RPA3: variants seen among roughly 807,000 people sequenced by gnomAD.
RPA3 encodes the protein replication protein A 14 kDa subunit.
In RPA3, 24 loss-of-function variants were observed where a neutral mutation model predicts 13.7. The ratio of observed to expected loss-of-function variants is 1.75; its 90% CI spans 1.27 to 2.46. The LOEUF is 2.46. Ranked by LOEUF, RPA3 falls within the 30% of genes most tolerant of loss-of-function variation. The probability of loss-of-function intolerance (pLI) is 0.00; values close to 1 mark genes in which losing one functional copy is unlikely to be tolerated. For missense variants in RPA3, 183 were observed against 151.0 expected, an observed-to-expected ratio of 1.21 and a Z score of -1.11; for synonymous variants, 59 against 51.2, an observed-to-expected ratio of 1.15 and a Z score of -0.65.
intron 1 of RPA3, among the ~76,000 whole-genome samples, chr7:7,715,853 A>G (rs17482047): frequency 0.11 from 16,364 of 152,262 alleles, 935 homozygotes; most frequent in African/African-American, 0.13. Context: ...CATTTAAAAA[A>G]TAGTATCGTG....
intron 2 of RPA3, among the ~76,000 whole-genome samples, chr7:7,710,272 C>T (rs1023189118): frequency 6.6e-6 from 1 of 151,954 alleles, no homozygotes; most frequent in African/African-American, 2.4e-5. Context: ...AAACAAAACA[C>T]CTTGATCTGT....
intron 2 of RPA3, among the ~76,000 whole-genome samples, chr7:7,710,781 T>A (rs1190368233): frequency 6.6e-6 from 1 of 152,212 alleles, no homozygotes. Context: ...CCAAACTGGA[T>A]ACACACCAAA....
In RPA3 at chr7:7,640,727, C is replaced by G. The variant is rs560738655; in HGVS notation, c.-309G>C. The G allele has an allele frequency of 6.4e-6, 2 of 311,212 alleles. No homozygotes were observed. The highest frequency in any genetic ancestry group is 4.4e-5 in the African/African-American group (2 of 45,592). 19.3% of individuals were successfully genotyped at this position (311,212 alleles called of 1,614,324 possible). ...AGGGGCGGAACCTGAGACTACCTTT[C>G]TGCGATCACAGGATTCCCGGCGGTG... On this transcript the variant is annotated 5_prime_UTR_variant, in exon 5 of 8. Coordinates refer to ENST00000223129, the MANE Select transcript of RPA3 (RefSeq NM_002947.5).
intron 4 of RPA3, among the ~76,000 whole-genome samples, chr7:7,643,386 G>C (rs986458839): frequency 2.6e-5 from 4 of 152,182 alleles, no homozygotes; most frequent in African/African-American, 9.7e-5. Context: ...CCTAAGGAAA[G>C]AATCATGGGA....
At chr7:7,637,591 G>T (rs548489507) in intron 7 of RPA3, among the ~76,000 whole-genome samples, 1 of 150,540 alleles carries the variant, frequency 6.6e-6, no homozygotes, top group African/African-American at 2.4e-5. Flanking sequence ...TTTCCTGTAT[G>T]TTTATGTTAT....
intron 4 of RPA3, among the ~76,000 whole-genome samples, chr7:7,644,506 A>G (rs548550299): frequency 3.9e-5 from 6 of 152,286 alleles, no homozygotes; most frequent in African/African-American, 1.4e-4. Context: ...TAAAATGTTT[A>G]GAGTTTTGCC....
intron 4 of RPA3, among the ~76,000 whole-genome samples, chr7:7,658,755 T>C (rs1785404477): frequency 6.6e-6 from 1 of 152,214 alleles, no homozygotes; most frequent in African/African-American, 2.4e-5. Context: ...TCATCAGGAA[T>C]GTTGGCCTGA....
chr7:7,686,567 C>T (rs2115130592), intron 3 of RPA3, among the ~76,000 whole-genome samples: 1 of 152,288 alleles, frequency 6.6e-6, no homozygotes, highest in East Asian at 1.9e-4. Context: ...CACGTATACT[C>T]ATACGAGGTT....
chr7:7,671,011 C>T (rs1278810552), intron 4 of RPA3, among the ~76,000 whole-genome samples: 6 of 152,128 alleles, frequency 3.9e-5, no homozygotes, highest in Middle Eastern at 3.2e-3. Flanking sequence ...TTGGCTACAA[C>T]GGAAATGGGC....
chr7:7,716,881 G>C (rs113120048), intron 1 of RPA3, among the ~76,000 whole-genome samples: 11,219 of 152,062 alleles, frequency 0.074, 1,301 homozygotes, highest in African/African-American at 0.25. Flanking sequence ...GGGAGGCGGA[G>C]CATGCTATGT....
At chr7:7,665,698 C>T (rs568736283) in intron 4 of RPA3, among the ~76,000 whole-genome samples, 2 of 152,204 alleles carry the variant, frequency 1.3e-5, no homozygotes, top group East Asian at 1.9e-4. Context: ...CCTCTGTGTT[C>T]CTCCCCTCCC....
intron 4 of RPA3, among the ~76,000 whole-genome samples, chr7:7,665,924 A>G (rs7793870): frequency 0.16 from 23,971 of 150,980 alleles, 2,230 homozygotes; most frequent in Middle Eastern, 0.24. Flanking sequence ...TTAAAAATCC[A>G]TTTACCTGTT....
chr7:7,637,664 T>C (rs1323704350), intron 7 of RPA3, among the ~76,000 whole-genome samples, 200 bp downstream of exon 7: 5 of 151,562 alleles, frequency 3.3e-5, no homozygotes, highest in South Asian at 2.1e-4. Flanking sequence ...AACATAGTTA[T>C]ATAAAACTGT....
chr7:7,696,751 T>C (rs942222816), intron 2 of RPA3, among the ~76,000 whole-genome samples: 3 of 152,184 alleles, frequency 2.0e-5, no homozygotes, highest in African/African-American at 7.2e-5. Context: ...CACTGATTCT[T>C]GCCAACTGGT....
intron 4 of RPA3, among the ~76,000 whole-genome samples, chr7:7,648,145 T>C (rs1785140317): frequency 6.6e-6 from 1 of 152,220 alleles, no homozygotes; most frequent in East Asian, 1.9e-4. Context: ...GTGGCCTCCT[T>C]CTTCTTAAAG....
chr7:7,665,643 C>T (rs183232086), intron 4 of RPA3, among the ~76,000 whole-genome samples: 25 of 152,242 alleles, frequency 1.6e-4, no homozygotes, highest in African/African-American at 5.3e-4. Context: ...CCATCACTTC[C>T]AAGAGTTTCC....
intron 1 of RPA3, among the ~76,000 whole-genome samples, chr7:7,715,767 A>G (rs1780885851): frequency 6.6e-6 from 1 of 152,220 alleles, no homozygotes; most frequent in Admixed American, 6.5e-5. Flanking sequence ...AGATGTAAGA[A>G]AGAGTTTTGA....
chr7:7,701,697 G>A (rs559084503), intron 2 of RPA3, among the ~76,000 whole-genome samples: 1 of 152,028 alleles, frequency 6.6e-6, no homozygotes, highest in Admixed American at 6.6e-5. Context: ...AGAATGACAG[G>A]GTATTTACTT....
chr7:7,697,598 G>T (rs916214197), intron 2 of RPA3, among the ~76,000 whole-genome samples: 1 of 152,104 alleles, frequency 6.6e-6, no homozygotes, highest in African/African-American at 2.4e-5. Context: ...AAGCCCTTGG[G>T]GTGGGCACCT....
Sources: gnomAD v4.1 joint callset for allele counts (sites outside exome capture counted in the v4.1 genomes callset) on GRCh38, gnomAD v4.1.1 for gene constraint, MANE v1.5 for transcripts, NCBI Gene and HGNC (gene_info 2026-07-23, HGNC 2026-07-21) for gene names.